Variants in WWOX observed in about 807,000 individuals in gnomAD.
WWOX encodes the protein WW domain containing oxidoreductase.
Under a neutral mutation model 46.2 loss-of-function variants are expected in WWOX, and 69 were observed. That is an observed-to-expected ratio of 1.49 (90% CI 1.23 to 1.82). The LOEUF (loss-of-function observed/expected upper bound fraction) is 1.82, where lower values mean the gene tolerates loss of function less well. Among genes scored for constraint, WWOX ranks in the 40% most tolerant of loss-of-function variants. The pLI is 0.00. For missense variants in WWOX, 919 were observed against 542.6 expected, an observed-to-expected ratio of 1.69 and a Z score of -6.89; for synonymous variants, 359 against 202.6, an observed-to-expected ratio of 1.77 and a Z score of -6.56.
At chr16:79,070,732 A>G (rs1391931155) in intron 8 of WWOX, among the ~76,000 whole-genome samples, 2 of 152,208 alleles carry the variant, frequency 1.3e-5, no homozygotes, top group Non-Finnish European at 2.9e-5. Flanking sequence ...CAAGTGGATA[A>G]TTCAAATGAA....
At chr16:78,571,611 G>C (rs2044717771) in intron 8 of WWOX, among the ~76,000 whole-genome samples, 1 of 152,166 alleles carries the variant, frequency 6.6e-6, no homozygotes, top group Non-Finnish European at 1.5e-5. Flanking sequence ...GCTCACACCT[G>C]TTATCTCCGC....
At chr16:78,761,658 G>A (rs76320713) in intron 8 of WWOX, among the ~76,000 whole-genome samples, 160 of 152,194 alleles carry the variant, frequency 1.1e-3, no homozygotes, top group African/African-American at 3.7e-3. Context: ...TGGGCCACCC[G>A]GTTGAGTCTG....
chr16:78,668,907 A>G (rs1309658070), intron 8 of WWOX, among the ~76,000 whole-genome samples: 1 of 152,092 alleles, frequency 6.6e-6, no homozygotes, highest in Non-Finnish European at 1.5e-5. Flanking sequence ...GCCTCCACAT[A>G]GGGTATGCGA....
chr16:79,081,626 CTT>C (rs1350393257), intron 8 of WWOX, among the ~76,000 whole-genome samples: 1 of 152,174 alleles, frequency 6.6e-6, no homozygotes, highest in African/African-American at 2.4e-5. Context: ...TTGGTCAAGA[CTT>C]TTCTCACTGC....
chr16:78,224,670 T>C (rs778686075), intron 5 of WWOX, among the ~76,000 whole-genome samples: 4 of 152,196 alleles, frequency 2.6e-5, no homozygotes, highest in Non-Finnish European at 4.4e-5. Context: ...CTTGGTGCGC[T>C]TGGAAGTGCT....
intron 8 of WWOX, among the ~76,000 whole-genome samples, chr16:78,700,198 C>T (rs995791009): frequency 6.6e-6 from 1 of 151,086 alleles, no homozygotes; most frequent in Non-Finnish European, 1.5e-5. Flanking sequence ...TTTTTTCTCC[C>T]AGTTCTGGAG....
In WWOX at chr16:79,063,059, C is replaced by A. The variant is rs115648175; in HGVS notation, c.1057-148549C>A. On this transcript the variant is annotated intron_variant, in intron 8 of 8. Transcript: ENST00000566780. ...GCAAAGAAGAGGGAGGTTGATAAAC[C>A]ATTATACTGTTTGAAAGTTGGTGCC... is the stretch of plus-strand genomic sequence containing the variant. Among the ~76,000 whole-genome samples, 770 of 152,248 alleles carry A rather than the reference C, an allele frequency of 5.1e-3. 10 individuals are homozygous for A. Among genetic ancestry groups the A allele is most frequent in the African/African-American group, 0.017 (726 of 41,546 alleles).
chr16:78,873,819 A>G (rs996619812), intron 8 of WWOX, among the ~76,000 whole-genome samples: 3 of 151,852 alleles, frequency 2.0e-5, no homozygotes, highest in African/African-American at 4.8e-5. Flanking sequence ...ATAAAACGAG[A>G]TATTTGGAAG....
At chr16:79,018,664 C>G (rs911385364) in intron 8 of WWOX, among the ~76,000 whole-genome samples, 6 of 152,128 alleles carry the variant, frequency 3.9e-5, no homozygotes, top group African/African-American at 1.4e-4. Flanking sequence ...ATCATGCTCA[C>G]CCCAATCAAT....
At chr16:78,174,771 T>A (rs2035277025) in intron 5 of WWOX, among the ~76,000 whole-genome samples, 1 of 152,122 alleles carries the variant, frequency 6.6e-6, no homozygotes. Flanking sequence ...GCGGATTGCC[T>A]GAGCTCAAAA....
intron 5 of WWOX, among the ~76,000 whole-genome samples, chr16:78,242,888 A>C (rs1010404260): frequency 6.6e-6 from 1 of 152,126 alleles, no homozygotes; most frequent in Non-Finnish European, 1.5e-5. Flanking sequence ...TGCGCCTGTA[A>C]TTCCAGCTAC....
chr16:78,998,234 C>T (rs1203387938), intron 8 of WWOX, among the ~76,000 whole-genome samples: 3 of 152,166 alleles, frequency 2.0e-5, no homozygotes, highest in Admixed American at 2.0e-4. Flanking sequence ...ACGTTTTTCT[C>T]TTCTGCTGGG....
At chr16:78,974,882 C>A (rs1202948248) in intron 8 of WWOX, among the ~76,000 whole-genome samples, 1 of 152,112 alleles carries the variant, frequency 6.6e-6, no homozygotes, top group Non-Finnish European at 1.5e-5. Context: ...CCCGGGGAGA[C>A]CTTGAAATGC....
intron 8 of WWOX, among the ~76,000 whole-genome samples, chr16:79,164,734 G>C (rs942587289): frequency 1.3e-5 from 2 of 152,080 alleles, no homozygotes; most frequent in Non-Finnish European, 2.9e-5. Flanking sequence ...TATTCCACTC[G>C]CATGTGGTGG....
rs749859437 is a variant in WWOX at position 79,099,833 on chromosome 16, C to G, written c.1057-111775C>G. Among the ~76,000 whole-genome samples the G allele has an allele frequency of 6.3e-4, 96 of 152,054 alleles. 1 individual carries two copies. The highest frequency in any genetic ancestry group is 1.4e-3 in the Non-Finnish European group (92 of 68,022). On this transcript the variant is annotated intron_variant, in intron 8 of 8. Coordinates refer to ENST00000566780, the MANE Select transcript of WWOX (RefSeq NM_016373.4). ...TGGATCATTCAGGGTTAAATCAGAG[C>G]AACAGCATGAGTAGGAGATATATAG...
chr16:78,381,839 G>C (rs2081962929), intron 5 of WWOX, among the ~76,000 whole-genome samples: 2 of 152,084 alleles, frequency 1.3e-5, no homozygotes, highest in Admixed American at 1.3e-4. Context: ...TGGAAGGCTA[G>C]CAGTTTATTT....
chr16:78,659,249 G>A (rs1279878497), intron 8 of WWOX, among the ~76,000 whole-genome samples: 3 of 152,012 alleles, frequency 2.0e-5, no homozygotes, highest in South Asian at 2.1e-4. Flanking sequence ...CAATAACTAC[G>A]TGACTCACAG....
chr16:79,081,755 C>T (rs1373140506), intron 8 of WWOX, among the ~76,000 whole-genome samples: 2 of 152,120 alleles, frequency 1.3e-5, no homozygotes, highest in Non-Finnish European at 2.9e-5. Context: ...CTTGCGGGGG[C>T]TCCTGTCTCA....
intron 8 of WWOX, among the ~76,000 whole-genome samples, chr16:78,846,209 C>G (rs1324304132): frequency 6.6e-6 from 1 of 152,176 alleles, no homozygotes; most frequent in Non-Finnish European, 1.5e-5. Context: ...TTCCCATGTA[C>G]TCTTCACTCA....
Sources: gnomAD v4.1 joint callset for allele counts (sites outside exome capture counted in the v4.1 genomes callset) on GRCh38, gnomAD v4.1.1 for gene constraint, MANE v1.5 for transcripts, NCBI Gene and HGNC (gene_info 2026-07-23, HGNC 2026-07-21) for gene names.